The following TRMT44 variants were observed in gnomAD, a reference collection of about 807,000 sequenced individuals.
The protein encoded by TRMT44 is probable tRNA (uracil-O(2)-)-methyltransferase.
A neutral mutation model predicts 77.3 loss-of-function variants in TRMT44; 78 were observed. The ratio of observed to expected loss-of-function variants is 1.01; its 90% confidence interval spans 0.84 to 1.22. The LOEUF (loss-of-function observed/expected upper bound fraction) is 1.22, where lower values mean the gene tolerates loss of function less well. Ranked by LOEUF, TRMT44 falls within the 50% of genes most tolerant of loss-of-function variation. TRMT44 has a pLI of 0.00. For missense variants in TRMT44, 1,090 were observed against 964.4 expected (o/e 1.13, Z -1.73); for synonymous variants, 391 against 383.3 (o/e 1.02, Z -0.23).
chr4:8,488,108 A>G (rs1261468621), intron 2 of TRMT44, among the ~76,000 whole-genome samples: 1 of 152,182 alleles, frequency 6.6e-6, no homozygotes, highest in Non-Finnish European at 1.5e-5. Flanking sequence ...AAAAGAGGCC[A>G]CTTACTGGAT....
At chr4:8,488,544 C>T (rs1019958178) in intron 2 of TRMT44, among the ~76,000 whole-genome samples, 1 of 152,206 alleles carries the variant, frequency 6.6e-6, no homozygotes, top group Non-Finnish European at 1.5e-5. Flanking sequence ...TCACTTAAGG[C>T]AAGGACCGGC....
At chr4:8,502,787 G>A in the TRMT44 span, among the ~76,000 whole-genome samples, 1 of 152,182 alleles carries the variant, frequency 6.6e-6, no homozygotes, top group Non-Finnish European at 1.5e-5. Context: ...TTGGTGAGAC[G>A]CAGGTCCCAG....
intron 10 of TRMT44, among the ~76,000 whole-genome samples, chr4:8,475,420 G>A (rs980168961): frequency 2.6e-5 from 4 of 152,192 alleles, no homozygotes; most frequent in African/African-American, 9.7e-5. Context: ...TCTGTCCTCT[G>A]CCCTCCCCTC....
At chr4:8,514,798 G>A in the TRMT44 span, among the ~76,000 whole-genome samples, 1 of 152,116 alleles carries the variant, frequency 6.6e-6, no homozygotes, top group South Asian at 2.1e-4. Context: ...TAAAAATGTT[G>A]TACTTAACAC....
chr4:8,446,151 G>C lies in TRMT44; in HGVS notation c.620-325G>C, dbSNP rs1725042489. 6.6e-6 allele frequency among the ~76,000 whole-genome samples: 1 copy of C among 152,232 alleles called. No homozygotes were observed. Among genetic ancestry groups the C allele is most frequent in the Non-Finnish European group, 1.5e-5 (1 of 68,048 alleles). On this transcript the variant is annotated intron_variant, in intron 1 of 10. Coordinates refer to ENST00000389737, the MANE Select transcript of TRMT44 (RefSeq NM_152544.3). This position sits in a 1 kb window ranked among gnomAD's most constrained non-coding sequence, Gnocchi z 4.3. ...ATGGTCAGGCTGTGGCAGACACTCA[G>C]TTAGGGCAGAGGTCCCCTGTTTTCT... is the stretch of plus-strand genomic sequence containing the variant.
the TRMT44 span, among the ~76,000 whole-genome samples, chr4:8,511,260 C>G: frequency 6.6e-6 from 1 of 152,178 alleles, no homozygotes; most frequent in Non-Finnish European, 1.5e-5. Context: ...TGAAAAACGT[C>G]CAGAGGGACA....
intron 8 of TRMT44, among the ~76,000 whole-genome samples, chr4:8,466,500 G>T (rs1399729360): frequency 6.6e-6 from 1 of 152,246 alleles, no homozygotes; most frequent in African/African-American, 2.4e-5. Flanking sequence ...GCGTTGGCTT[G>T]TGGCACAGGC....
intron 7 of TRMT44, among the ~76,000 whole-genome samples, chr4:8,464,576 G>A (rs545047828): frequency 2.0e-5 from 3 of 152,180 alleles, no homozygotes; most frequent in Non-Finnish European, 2.9e-5. Context: ...TTGACGTTTC[G>A]TTGCTGAGTC....
At chr4:8,443,824 G>A (rs902098859) in intron 1 of TRMT44, among the ~76,000 whole-genome samples, 1 of 152,152 alleles carries the variant, frequency 6.6e-6, no homozygotes, top group Non-Finnish European at 1.5e-5. Context: ...GCCAGGCGTA[G>A]TGGCAGGTGC....
At chr4:8,460,214 C>T (rs749589818) in intron 6 of TRMT44, among the ~76,000 whole-genome samples, 2 of 152,192 alleles carry the variant, frequency 1.3e-5, no homozygotes, top group African/African-American at 2.4e-5. Context: ...GCTCTGTGGG[C>T]GTGGCCTCAC....
At chr4:8,496,052 G>A (rs1728140901), downstream of TRMT44, among the ~76,000 whole-genome samples, 2 of 152,148 alleles carry the variant, frequency 1.3e-5, no homozygotes, top group African/African-American at 4.8e-5. Flanking sequence ...GACTGAAGCA[G>A]TGGGAAACCT....
chr4:8,448,819 T>G (rs2688235), intron 2 of TRMT44, among the ~76,000 whole-genome samples: 1 of 152,124 alleles, frequency 6.6e-6, no homozygotes, highest in East Asian at 1.9e-4. Context: ...TCCCCTCCAG[T>G]GGGGCCATGC....
the TRMT44 span, chr4:8,511,917 C>G: frequency 6.6e-6 from 1 of 152,210 alleles, no homozygotes; most frequent in African/African-American, 2.4e-5. Context: ...AGTCAATGAT[C>G]GTGAAAGTCG....
intron 2 of TRMT44, among the ~76,000 whole-genome samples, chr4:8,491,528 C>T (rs548114601): frequency 2.6e-5 from 4 of 152,344 alleles, no homozygotes; most frequent in South Asian, 2.1e-4. Context: ...TCAGGCATGG[C>T]GGGCTGCATG....
rs1221244143 is a variant in TRMT44, at chr4:8,444,057, A to G, written c.620-2419A>G. Among the ~76,000 whole-genome samples the G allele has an allele frequency of 1.3e-5, 2 of 152,164 alleles. No individual in the cohort carries two copies. Among genetic ancestry groups the G allele is most frequent in the Non-Finnish European group, 2.9e-5 (2 of 68,022 alleles). On this transcript the variant is annotated intron_variant, in intron 1 of 10. Coordinates refer to ENST00000389737, the MANE Select transcript of TRMT44 (RefSeq NM_152544.3). The surrounding 1 kb of genome is among the most constrained non-coding windows in gnomAD (Gnocchi z 4.0). ...AGAACTTGACTTCTTTAGTTAAAGAACAGAATTCAGTTTGAGGCTATGTGG... is the reference window on the plus strand; with the variant it reads ...AGAACTTGACTTCTTTAGTTAAAGAGCAGAATTCAGTTTGAGGCTATGTGG...
chr4:8,489,649 T>C (rs1359154762), intron 2 of TRMT44, among the ~76,000 whole-genome samples: 1 of 152,148 alleles, frequency 6.6e-6, no homozygotes, highest in East Asian at 1.9e-4. Context: ...GCTAATTTTT[T>C]GTATTTTTAG....
In TRMT44 at chr4:8,441,360, G is replaced by T; in HGVS notation, c.538G>T (p.Asp180Tyr). The change falls in exon 1 of 11, where the codon GAC becomes TAC. Residue 180 changes from aspartate (D) to tyrosine (Y), a missense_variant. By Grantham distance (160) the Asp-to-Tyr change is radical (BLOSUM62 -3). Transcript: ENST00000389737. The stretch of plus-strand genomic sequence containing the variant: ...GCAGCCAGAGGCGCAGCGTGAGCTC[G>T]ACGTGGTTCTCAGAACCGTCATCCC... ...GSQPEAQREL[D>Y]VVLRTVIPKT... 2 of 1,534,820 alleles carry T rather than the reference G, an allele frequency of 1.3e-6. No homozygotes were observed. Among genetic ancestry groups the T allele is most frequent in the East Asian group, 2.4e-5 (1 of 40,876 alleles).
At chr4:8,501,752 G>A in the TRMT44 span, among the ~76,000 whole-genome samples, 32 of 152,104 alleles carry the variant, frequency 2.1e-4, no homozygotes, top group Non-Finnish European at 3.8e-4. This position sits in a 1 kb window ranked among gnomAD's most constrained non-coding sequence, Gnocchi z 4.4. Flanking sequence ...GTGCTCAGTT[G>A]GGGCCCTCAG....
rs1243094598 is a variant in TRMT44 at position 8,444,916 on chromosome 4, T to C, written c.620-1560T>C. ...AATTTTAAAAATCGAAATTTATCATTGTGTAGCGACAACAGTGACAGCAGA... is the reference window on the plus strand; with the variant it reads ...AATTTTAAAAATCGAAATTTATCATCGTGTAGCGACAACAGTGACAGCAGA... On this transcript the variant is annotated intron_variant, in intron 1 of 10. Transcript: ENST00000389737. The surrounding 1 kb of genome is among the most constrained non-coding windows in gnomAD (Gnocchi z 4.0). Among the ~76,000 whole-genome samples, 1 of 152,178 alleles carries C rather than the reference T, an allele frequency of 6.6e-6. No homozygotes were observed. The highest frequency in any genetic ancestry group is 6.5e-5 in the Admixed American group (1 of 15,284).
Sources: allele counts gnomAD v4.1 joint callset (sites outside exome capture counted in the v4.1 genomes callset), GRCh38; gene constraint gnomAD v4.1.1; non-coding constraint Gnocchi (gnomAD v3.1); transcripts MANE v1.5; gene names NCBI Gene and HGNC (gene_info 2026-07-23, HGNC 2026-07-21).